Variants in ENOX2 observed in about 807,000 individuals in gnomAD.
The protein encoded by ENOX2 is ecto-NOX disulfide-thiol exchanger 2.
Under a neutral mutation model 45.0 loss-of-function variants are expected in ENOX2, and 36 were observed. The ratio of observed to expected loss-of-function variants is 0.80; its 90% confidence interval spans 0.61 to 1.06. ENOX2 has a LOEUF of 1.06. Among genes scored for constraint, ENOX2 ranks in the 50% least tolerant of loss-of-function variants. The pLI, the probability that ENOX2 is intolerant of heterozygous loss-of-function variation, is 0.00. For synonymous variants in ENOX2, 174 were observed against 152.3 expected (o/e 1.14, Z -1.05); for missense variants, 423 against 462.5 (o/e 0.91, Z 0.78).
At chrX:130,813,550 C>T (rs894750814) in intron 2 of ENOX2, among the ~76,000 whole-genome samples, 4 of 111,742 alleles carry the variant, frequency 3.6e-5, no homozygotes, top group African/African-American at 1.3e-4. Context: ...ACTGAGGTAT[C>T]TGGCTCATCT....
chrX:130,886,897 T>C (rs1051557140), intron 2 of ENOX2, among the ~76,000 whole-genome samples: 37 of 112,291 alleles, frequency 3.3e-4, no homozygotes, highest in Non-Finnish European at 1.5e-4. Flanking sequence ...AAGCACTGTC[T>C]TCTGTGCAAA....
intron 10 of ENOX2, among the ~76,000 whole-genome samples, chrX:130,646,902 C>A (rs1185577215): frequency 1.2e-4 from 13 of 112,244 alleles, no homozygotes; most frequent in Admixed American, 1.1e-3. Flanking sequence ...TCTCTCTAGG[C>A]AGTTATTTTT....
intron 3 of ENOX2, among the ~76,000 whole-genome samples, chrX:130,736,371 T>C (rs1383988008): frequency 9.2e-6 from 1 of 109,268 alleles, no homozygotes; most frequent in Admixed American, 9.7e-5. Flanking sequence ...AAAAAAAAAA[T>C]GCTATGGGAT....
At chrX:130,692,580 GTTTT>G (rs1194146290) in intron 4 of ENOX2, among the ~76,000 whole-genome samples, 1 of 94,921 alleles carries the variant, frequency 1.1e-5, no homozygotes. Flanking sequence ...ATCTCTCTCT[GTTTT>G]TTTTTTTTTT....
intron 2 of ENOX2, among the ~76,000 whole-genome samples, chrX:130,807,574 A>G (rs985062951): frequency 3.6e-5 from 4 of 111,252 alleles, no homozygotes. Flanking sequence ...TACTGGCAGG[A>G]CTCCTCATGG....
chrX:130,775,817 C>G (rs1373828173), intron 3 of ENOX2, among the ~76,000 whole-genome samples: 17 of 110,130 alleles, frequency 1.5e-4, no homozygotes, highest in African/African-American at 4.6e-4. Flanking sequence ...TGATTCAGAA[C>G]TGGAAAAAGA....
At chrX:130,808,611 G>T (rs768585784) in intron 2 of ENOX2, among the ~76,000 whole-genome samples, 1 of 112,281 alleles carries the variant, frequency 8.9e-6, no homozygotes, top group South Asian at 3.7e-4. Context: ...GCGTTGGAAA[G>T]AAATTTCAAA....
chrX:130,624,374 A>T lies in ENOX2; in HGVS notation c.*940T>A, dbSNP rs1311983024. 1 of 112,903 alleles carries T rather than the reference A, an allele frequency of 8.9e-6. No homozygotes were observed. Among genetic ancestry groups the T allele is most frequent in the Non-Finnish European group, 1.9e-5 (1 of 53,371 alleles). The allele number at this position is 112,903 out of a possible 1,213,427, so 9.3% of individuals were successfully genotyped here. The stretch of plus-strand genomic sequence containing the variant: ...AGCATGAAGTAAACATAGTATTTAC[A>T]GCAGTACTCGGTTTGCAATTCAACA... On this transcript the variant is annotated 3_prime_UTR_variant, in exon 15 of 15. Transcript: ENST00000394363.
chrX:130,707,642 G>C (rs1401465604), intron 3 of ENOX2, among the ~76,000 whole-genome samples: 1 of 111,404 alleles, frequency 9.0e-6, no homozygotes, highest in East Asian at 2.8e-4. Flanking sequence ...CTTCTCTGAT[G>C]ATTTACTCTC....
At chrX:130,858,645 A>C (rs2078355315) in intron 2 of ENOX2, among the ~76,000 whole-genome samples, 1 of 111,279 alleles carries the variant, frequency 9.0e-6, no homozygotes, top group Non-Finnish European at 1.9e-5. Context: ...TAACCTAACA[A>C]ATTCAACTTG....
intron 7 of ENOX2, among the ~76,000 whole-genome samples, 164 bp from the exon 8 acceptor site, chrX:130,667,906 C>G (rs2036879097): frequency 9.0e-6 from 1 of 111,386 alleles, no homozygotes; most frequent in African/African-American, 3.3e-5. Flanking sequence ...AGGCAGTAGG[C>G]AGGCAGACAA....
intron 4 of ENOX2, among the ~76,000 whole-genome samples, chrX:130,692,781 G>A (rs745509431): frequency 9.4e-6 from 1 of 106,396 alleles, no homozygotes; most frequent in African/African-American, 3.4e-5. Flanking sequence ...CTAGAGAAGC[G>A]GTTTCACCAT....
intron 3 of ENOX2, among the ~76,000 whole-genome samples, chrX:130,744,286 A>C (rs1291514899): frequency 1.8e-5 from 2 of 112,320 alleles, no homozygotes; most frequent in Non-Finnish European, 3.8e-5. Flanking sequence ...TAAATATTCT[A>C]CTTTATCTGT....
rs2036813690 is a variant in ENOX2 at position 130,665,627 on chromosome X, A to G, written c.1014+16T>C. ...ACTGTCCCCCCAAGGGGCTACCAGAATAAAAAGTTACCAACCTCAGCTTGT... is the reference window on the plus strand; with the variant it reads ...ACTGTCCCCCCAAGGGGCTACCAGAGTAAAAAGTTACCAACCTCAGCTTGT... On this transcript the variant is annotated intron_variant, in intron 9 of 14. Transcript: ENST00000394363. 1 of 1,145,878 alleles carries G rather than the reference A, an allele frequency of 8.7e-7. No individual in the cohort carries two copies. Among genetic ancestry groups the G allele is most frequent in the Non-Finnish European group, 1.2e-6 (1 of 842,497 alleles). The allele number at this position is 1,145,878 out of a possible 1,213,427, so 94.4% of individuals were successfully genotyped here.
chrX:130,630,333 A>G (rs1044845485), intron 13 of ENOX2, among the ~76,000 whole-genome samples: 2 of 111,354 alleles, frequency 1.8e-5, no homozygotes, highest in Non-Finnish European at 3.8e-5. Flanking sequence ...ATAAGAGTTA[A>G]GATGAGTGGT....
intron 2 of ENOX2, among the ~76,000 whole-genome samples, chrX:130,856,747 T>C (rs1032542567): frequency 4.5e-5 from 5 of 112,032 alleles, no homozygotes; most frequent in Middle Eastern, 4.6e-3. Flanking sequence ...TAGACTCTAT[T>C]CAAGTCCATA....
intron 10 of ENOX2, among the ~76,000 whole-genome samples, chrX:130,648,445 A>G (rs1223926544): frequency 8.1e-5 from 9 of 110,980 alleles, no homozygotes; most frequent in Admixed American, 9.5e-5. Flanking sequence ...TCTCCAAAAA[A>G]AAAAAGAAGG....
chrX:130,877,048 T>A (rs945587901), intron 2 of ENOX2, among the ~76,000 whole-genome samples: 1 of 111,821 alleles, frequency 8.9e-6, no homozygotes, highest in Non-Finnish European at 1.9e-5. Flanking sequence ...AAAATTCTTT[T>A]AAAATGCTTA....
chrX:130,812,561 G>A (rs946619659), intron 2 of ENOX2, among the ~76,000 whole-genome samples: 2 of 111,724 alleles, frequency 1.8e-5, no homozygotes, highest in African/African-American at 6.5e-5. Flanking sequence ...AAGGAATAAC[G>A]GATCTGCAAA....
Sources: gnomAD v4.1 joint callset for allele counts (sites outside exome capture counted in the v4.1 genomes callset) on GRCh38, gnomAD v4.1.1 for gene constraint, MANE v1.5 for transcripts, NCBI Gene and HGNC (gene_info 2026-07-23, HGNC 2026-07-21) for gene names.